CAPZA1: variants seen among roughly 807,000 people sequenced by gnomAD.
CAPZA1 encodes the protein capping actin protein of muscle Z-line subunit alpha 1.
A neutral mutation model predicts 40.8 loss-of-function variants in CAPZA1; 10 were observed. The ratio of observed to expected loss-of-function variants is 0.25; its 90% CI spans 0.15 to 0.42. The LOEUF (loss-of-function observed/expected upper bound fraction) is 0.42. Ranked by LOEUF, CAPZA1 falls within the 10% of genes least tolerant of loss-of-function variation. CAPZA1 has a pLI of 1.00. For missense variants in CAPZA1, 277 were observed against 353.8 expected (o/e 0.78, Z 1.74); for synonymous variants, 98 against 115.0 (o/e 0.85, Z 0.95).
intron 3 of CAPZA1, 156 bp downstream of exon 3, chr1:112,649,625 T>A: frequency 1.6e-6 from 1 of 644,594 alleles, no homozygotes; most frequent in Non-Finnish European, 2.7e-6. Flanking sequence ...GGAGAAAACA[T>A]GTTCCCCCAA....
chr1:112,623,711 G>GGC (rs1368713393), intron 1 of CAPZA1, among the ~76,000 whole-genome samples: 4 of 150,534 alleles, frequency 2.7e-5, no homozygotes, highest in Non-Finnish European at 4.4e-5. Flanking sequence ...AGAAAGCCCG[G>GGC]GCGCGGTGGT....
chr1:112,651,070 C>T (rs768336045), intron 3 of CAPZA1, among the ~76,000 whole-genome samples: 1 of 152,174 alleles, frequency 6.6e-6, no homozygotes, highest in Non-Finnish European at 1.5e-5. Context: ...CTCATAGTAA[C>T]TGCTCAATTA....
intron 1 of CAPZA1, among the ~76,000 whole-genome samples, chr1:112,641,886 C>CA (rs56057393): frequency 0.014 from 1,345 of 97,986 alleles, 19 homozygotes; most frequent in African/African-American, 0.016. Context: ...GAGACTGTCT[C>CA]AAAAAAAAAA....
chr1:112,667,050 A>C, intron 7 of CAPZA1, 24 bp from the exon 8 acceptor site: 1 of 1,574,576 alleles, frequency 6.4e-7, no homozygotes. Flanking sequence ...TCCCCTAAAA[A>C]GGCTCAAACA....
intron 1 of CAPZA1, among the ~76,000 whole-genome samples, chr1:112,634,972 A>G (rs1670987789): frequency 6.6e-6 from 1 of 152,216 alleles, no homozygotes. Flanking sequence ...CTTATTCAAA[A>G]AGGATTTTGT....
rs180885116 is a variant in CAPZA1, at chr1:112,670,906, T to G, written c.*774T>G. 1 of 152,782 alleles carries G rather than the reference T, an allele frequency of 6.5e-6. No homozygotes were observed. Among genetic ancestry groups the G allele is most frequent in the Admixed American group, 6.5e-5 (1 of 15,302 alleles). The allele number at this position is 152,782 out of a possible 1,614,324, so 9.5% of individuals were successfully genotyped here. A position where few individuals can be genotyped will look rare whatever the true frequency, so the allele number is the denominator to read the frequency against. The stretch of plus-strand genomic sequence containing the variant: ...TTTATTTTTTTAAACATTCAAGAAC[T>G]GCTGACGTACTGTGGATGTAGAGTA... On this transcript the variant is annotated 3_prime_UTR_variant, in exon 10 of 10. Coordinates refer to ENST00000263168, the MANE Select transcript of CAPZA1 (RefSeq NM_006135.3).
chr1:112,655,067 G>A (rs186613829), intron 5 of CAPZA1, among the ~76,000 whole-genome samples: 5 of 151,988 alleles, frequency 3.3e-5, no homozygotes, highest in Admixed American at 3.3e-4. Flanking sequence ...GAAAAAAATG[G>A]TATACTAAGA....
intron 9 of CAPZA1, 126 bp from the exon 10 acceptor site, chr1:112,669,866 A>T (rs954745667): frequency 1.9e-6 from 2 of 1,063,696 alleles, no homozygotes; most frequent in African/African-American, 3.2e-5. Context: ...GAGCTCATTG[A>T]AAATAATATA....
intron 1 of CAPZA1, among the ~76,000 whole-genome samples, chr1:112,635,155 T>C (rs746456919): frequency 2.6e-5 from 4 of 152,114 alleles, no homozygotes; most frequent in African/African-American, 4.8e-5. Flanking sequence ...ATGATAAGCA[T>C]TCAAATACAC....
At chr1:112,620,040 G>T (rs1354548554) in intron 1 of CAPZA1, 157 bp downstream of exon 1, 4 of 601,774 alleles carry the variant, frequency 6.6e-6, no homozygotes, top group Non-Finnish European at 1.2e-5. Flanking sequence ...CCTCTTAGGG[G>T]GCTTTCCTCT....
At chr1:112,636,595 T>G (rs1671024274) in intron 1 of CAPZA1, among the ~76,000 whole-genome samples, 1 of 152,194 alleles carries the variant, frequency 6.6e-6, no homozygotes, top group South Asian at 2.1e-4. Context: ...ACTGTTACTT[T>G]ATGAAATAGG....
rs532742365 is a variant in CAPZA1, at chr1:112,641,222, A to T, written c.40-5988A>T. 5.3e-5 allele frequency among the ~76,000 whole-genome samples: 8 copies of T among 150,326 alleles called. No homozygotes were observed. In the South Asian group the frequency reaches 1.3e-3, roughly 24 times the overall value. ...GAAACACCCAAGAATGATCAATAAA[A>T]AAAAAAATAAATAAATAAATAATTG... On this transcript the variant is annotated intron_variant, in intron 1 of 9. Transcript: ENST00000263168.
chr1:112,662,389 A>G (rs573911941), intron 7 of CAPZA1, among the ~76,000 whole-genome samples: 1 of 110,686 alleles, frequency 9.0e-6, no homozygotes, highest in African/African-American at 3.0e-5. Flanking sequence ...ATTTTTTAGA[A>G]TTTTTCTTTT....
intron 1 of CAPZA1, among the ~76,000 whole-genome samples, chr1:112,643,995 C>T (rs892592140): frequency 6.6e-6 from 1 of 151,856 alleles, no homozygotes; most frequent in African/African-American, 2.4e-5. Flanking sequence ...CAGGTGTGTG[C>T]CACCATGCCC....
rs148285042 is a variant in CAPZA1 at position 112,621,309 on chromosome 1, G to A, written c.39+1426G>A. 2.5e-3 allele frequency among the ~76,000 whole-genome samples: 380 copies of A among 149,696 alleles called. 3 individuals are homozygous for A. The highest frequency in any genetic ancestry group is 8.7e-3 in the African/African-American group (354 of 40,584). ...AACAATTTTTTTTTTTTTTTGAGAC[G>A]GAGTCTCGCTCGGCTCACTGCAACT... On this transcript the variant is annotated intron_variant, in intron 1 of 9. Coordinates refer to ENST00000263168, the MANE Select transcript of CAPZA1 (RefSeq NM_006135.3).
chr1:112,650,874 TTTTC>T (rs1400066141), intron 3 of CAPZA1, among the ~76,000 whole-genome samples: 1 of 152,232 alleles, frequency 6.6e-6, no homozygotes, highest in African/African-American at 2.4e-5. Flanking sequence ...AGATACTTCA[TTTTC>T]TTTAATTGCA....
intron 1 of CAPZA1, among the ~76,000 whole-genome samples, chr1:112,640,823 G>C (rs553716159): frequency 6.6e-6 from 1 of 152,232 alleles, no homozygotes; most frequent in African/African-American, 2.4e-5. Context: ...GATGGTTGCC[G>C]TGTCTGTGTA....
rs564901771 is a variant in CAPZA1, at chr1:112,621,700, A to G, written c.39+1817A>G. ...GGAAAATATATATTTTAAAATGCCA[A>G]TTAAGATGCCTTTAGATACTGGCAG... On this transcript the variant is annotated intron_variant, in intron 1 of 9. Coordinates refer to ENST00000263168, the MANE Select transcript of CAPZA1 (RefSeq NM_006135.3). Among the ~76,000 whole-genome samples the G allele has an allele frequency of 2.0e-4, 31 of 151,646 alleles. No homozygotes were observed. In the South Asian group the frequency reaches 2.9e-3, roughly 14 times the overall value.
At position 112,656,440 on chromosome 1, in the gene CAPZA1, A is replaced by ATTTTTTTT. The variant is rs56343358; in HGVS notation, c.426+1788_426+1795dup. Among the ~76,000 whole-genome samples, 91 of 45,768 alleles carry ATTTTTTTT rather than the reference A, an allele frequency of 2.0e-3. 26 individuals are homozygous for ATTTTTTTT. The highest frequency in any genetic ancestry group is 5.1e-3 in the South Asian group (3 of 586). 30.0% of individuals were successfully genotyped at this position (45,768 alleles called of 152,430 possible). ...GTTAGGCTAGGTGTCATTATGTTTG[A>ATTTTTTTT]TTTTTTTTTTTTTTTTTTTTTTTTT... On this transcript the variant is annotated intron_variant, in intron 5 of 9. Coordinates refer to ENST00000263168, the MANE Select transcript of CAPZA1 (RefSeq NM_006135.3).
Sources: gnomAD v4.1 joint callset for allele counts (sites outside exome capture counted in the v4.1 genomes callset) on GRCh38, gnomAD v4.1.1 for gene constraint, MANE v1.5 for transcripts, NCBI Gene and HGNC (gene_info 2026-07-23, HGNC 2026-07-21) for gene names.